Variants in MPP2 observed in about 807,000 individuals in gnomAD.
The protein encoded by MPP2 is MAGUK p55 scaffold protein 2.
In MPP2, 42 loss-of-function variants were observed where a neutral mutation model predicts 58.5. The observed-to-expected ratio is 0.72, with a 90% confidence interval of 0.56 to 0.93. The LOEUF (loss-of-function observed/expected upper bound fraction) is 0.93. MPP2 is among the 40% of genes least tolerant of loss of function. The pLI is 0.00. For synonymous variants in MPP2, 300 were observed against 307.8 expected, an observed-to-expected ratio of 0.97 and a Z score of 0.26; for missense variants, 632 against 760.4, an observed-to-expected ratio of 0.83 and a Z score of 1.99.
chr17:43,907,593 G>A (rs752481230), upstream of MPP2: 5 of 985,564 alleles, frequency 5.1e-6, no homozygotes, highest in Non-Finnish European at 6.0e-6. Flanking sequence ...CGAGGGGGCG[G>A]AGGTCCGGAG....
intron 2 of MPP2, among the ~76,000 whole-genome samples, chr17:43,900,246 C>A (rs2048030732): frequency 6.6e-6 from 1 of 152,210 alleles, no homozygotes; most frequent in Non-Finnish European, 1.5e-5. Context: ...TGAAAGAGGC[C>A]AGGGCAGGGA....
intron 1 of MPP2, among the ~76,000 whole-genome samples, chr17:43,906,868 C>T (rs114708456): frequency 1.3e-5 from 2 of 150,974 alleles, no homozygotes; most frequent in African/African-American, 4.9e-5. Context: ...ACCGCCCCCC[C>T]CTTAATTGAC....
Position 43,880,267 on chromosome 17 carries a change from A to G in MPP2, c.1151-283T>C, listed in dbSNP as rs946940104. Among the ~76,000 whole-genome samples the G allele has an allele frequency of 2.0e-5, 3 of 152,122 alleles. No homozygotes were observed. The highest frequency in any genetic ancestry group is 7.2e-5 in the African/African-American group (3 of 41,438). ...AGCCCAAAGCCACACAGCAAGAGCC[A>G]AGCAGACCAGGGCAGTGCTCTTAGT... On this transcript the variant is annotated intron_variant, in intron 10 of 12. Transcript: ENST00000269095. The surrounding 1 kb of genome is among the most constrained non-coding windows in gnomAD (Gnocchi z 5.2).
At position 43,883,199 on chromosome 17, in the gene MPP2, G is replaced by A; in HGVS notation, c.303+4C>T. 1.9e-6 allele frequency: 3 copies of A among 1,601,224 alleles called. No individual in the cohort carries two copies. In the South Asian group the frequency reaches 3.4e-5, roughly 18 times the overall value. On this transcript the variant is annotated splice_donor_region_variant and intron_variant, in intron 4 of 12. Transcript: ENST00000269095. The stretch of plus-strand genomic sequence containing the variant: ...CCCTCACCCCAGCCCTAGCAGCCAG[G>A]AACCTGGAAGTGGGGCTCCTGGAGG...
intron 3 of MPP2, among the ~76,000 whole-genome samples, chr17:43,890,159 C>T (rs1405502362): frequency 6.6e-6 from 1 of 152,094 alleles, no homozygotes; most frequent in East Asian, 1.9e-4. Flanking sequence ...TTTTATCCAT[C>T]CCTGGGGTCT....
In MPP2 at chr17:43,875,552, A is replaced by T. The variant is rs1001705196; in HGVS notation, c.*2255T>A. On this transcript the variant is annotated 3_prime_UTR_variant, in exon 13 of 13. Coordinates refer to ENST00000269095, the MANE Select transcript of MPP2 (RefSeq NM_005374.5). ...GTCCACAATGGCAGGGAGGGAGAAC[A>T]GAGTCATAGAGCTGTGGTGGGGGCA... The T allele has an allele frequency of 7.2e-5, 11 of 151,840 alleles. No individual in the cohort carries two copies. The highest frequency in any genetic ancestry group is 2.7e-4 in the African/African-American group (11 of 40,994). 9.4% of individuals were successfully genotyped at this position (151,840 alleles called of 1,614,324 possible).
At chr17:43,904,677 G>C (rs1039619124) in intron 1 of MPP2, among the ~76,000 whole-genome samples, 184 bp from the exon 2 acceptor site, 1 of 152,158 alleles carries the variant, frequency 6.6e-6, no homozygotes, top group East Asian at 1.9e-4. Context: ...GGTATTACTC[G>C]CCTATTTCTC....
intron 2 of MPP2, chr17:43,900,633 T>G (rs2143766525): frequency 2.1e-6 from 3 of 1,448,136 alleles, no homozygotes; most frequent in Non-Finnish European, 9.1e-7. Context: ...CTGGCCGGGC[T>G]GGGGAAGGCG....
At chr17:43,878,764 G>A (rs561379681) in intron 12 of MPP2, among the ~76,000 whole-genome samples, 1 of 152,346 alleles carries the variant, frequency 6.6e-6, no homozygotes, top group South Asian at 2.1e-4. Context: ...CTCCTGGGAA[G>A]GCGCAGCAAG....
chr17:43,883,118 C>T, intron 4 of MPP2, 66 bp from the exon 5 acceptor site: 1 of 1,558,656 alleles, frequency 6.4e-7, no homozygotes, highest in Non-Finnish European at 8.7e-7. Flanking sequence ...ATCCCAGATC[C>T]AACTTCCTGC....
chr17:43,879,948 C>T lies in MPP2; in HGVS notation c.1187G>A (p.Gly396Asp), dbSNP rs926596715. The T allele has an allele frequency of 2.5e-6, 4 of 1,614,118 alleles. No individual in the cohort carries two copies. Among genetic ancestry groups the T allele is most frequent in the Non-Finnish European group, 3.4e-6 (4 of 1,180,010 alleles). Residue 396 changes from glycine to aspartate, a missense_variant, in exon 11 of 13, where the codon GGT (glycine) becomes GAT (aspartate). By Grantham distance (94) the Gly-to-Asp change is moderately conservative. Transcript: ENST00000269095. The surrounding 1 kb of genome is among the most constrained non-coding windows in gnomAD (Gnocchi z 4.1). ...SRRPKDSEREGQGYSFVSRGE... is the reference protein window; with the variant it reads ...SRRPKDSEREDQGYSFVSRGE... ...ACGGGACACAAAGCTGTAACCCTGA[C>T]CTTCCCGCTCTGAGTCTTTCGGCCG...
Position 43,879,975 on chromosome 17 carries a change from C to T in MPP2, c.1160G>A (p.Arg387Gln), listed in dbSNP as rs1221398389. 1.3e-5 allele frequency: 21 copies of T among 1,613,998 alleles called. No individual in the cohort carries two copies. Among genetic ancestry groups the T allele is most frequent in the East Asian group, 2.2e-5 (1 of 44,886 alleles). ...RYGTTVPYTS[R>Q]RPKDSEREGQ... ...TTCCCGCTCTGAGTCTTTCGGCCGC[C>T]GGGAGGTGTCTAGGGGGATGGGGGT... Residue 387 changes from arginine to glutamine, a missense_variant, in exon 11 of 13, where the codon CGG becomes CAG. Transcript: ENST00000269095. This position sits in a 1 kb window ranked among gnomAD's most constrained non-coding sequence, Gnocchi z 4.1.
intron 3 of MPP2, among the ~76,000 whole-genome samples, chr17:43,885,122 CAAA>C (rs540949072): frequency 1.2e-4 from 7 of 60,506 alleles, no homozygotes; most frequent in Admixed American, 1.7e-4. Context: ...AACTCCAGCT[CAAA>C]AAAAAAAAAA....
chr17:43,898,423 G>A, intron 2 of MPP2, 43 bp from the exon 3 acceptor site: 1 of 1,441,668 alleles, frequency 6.9e-7, no homozygotes, highest in East Asian at 2.3e-5. Context: ...GTACCAGCTG[G>A]GTACAGAAGA....
rs182964201 is a variant in MPP2, at chr17:43,882,673, A to G, written c.454-162T>C. 8.7e-5 allele frequency among the ~76,000 whole-genome samples: 12 copies of G among 137,226 alleles called. No homozygotes were observed. In the East Asian group the frequency reaches 2.7e-3, roughly 31 times the overall value. 90.0% of individuals were successfully genotyped at this position (137,226 alleles called of 152,430 possible). A position where few individuals can be genotyped will look rare whatever the true frequency, so the allele number is the denominator to read the frequency against. Reference sequence around the variant, plus strand: ...CCTAAATTCTTCACTTACAGCAGGTACTAATGAGGGGAGAGGTGGGCAGAC... The same window carrying G: ...CCTAAATTCTTCACTTACAGCAGGTGCTAATGAGGGGAGAGGTGGGCAGAC... On this transcript the variant is annotated intron_variant, in intron 5 of 12. Coordinates refer to ENST00000269095, the MANE Select transcript of MPP2 (RefSeq NM_005374.5).
upstream of MPP2, chr17:43,909,690 C>T: frequency 8.7e-7 from 1 of 1,152,602 alleles, no homozygotes; most frequent in Non-Finnish European, 1.2e-6. Context: ...ACAAGTATCT[C>T]TCTAATAAAG....
chr17:43,878,079 A>C, intron 12 of MPP2, 96 bp from the exon 13 acceptor site: 2 of 1,347,452 alleles, frequency 1.5e-6, no homozygotes, highest in Non-Finnish European at 2.0e-6. Flanking sequence ...CCCTCCCCAA[A>C]GCCCAACCCT....
chr17:43,904,295 A>C, intron 2 of MPP2, 135 bp downstream of exon 2: 1 of 741,580 alleles, frequency 1.3e-6, no homozygotes, highest in Non-Finnish European at 2.3e-6. Context: ...GCCAGAAGGA[A>C]TGGCTGAGTG....
At chr17:43,878,033 C>A in intron 12 of MPP2, 50 bp from the exon 13 acceptor site, 1 of 1,559,930 alleles carries the variant, frequency 6.4e-7, no homozygotes, top group Non-Finnish European at 8.7e-7. Context: ...ACAACTCACC[C>A]CCACTGTCAG....
Sources: gnomAD v4.1 joint callset for allele counts (sites outside exome capture counted in the v4.1 genomes callset) on GRCh38, gnomAD v4.1.1 for gene constraint, Gnocchi (gnomAD v3.1) non-coding constraint, MANE v1.5 for transcripts, NCBI Gene and HGNC (gene_info 2026-07-23, HGNC 2026-07-21) for gene names.